Variants in LGMN observed in about 807,000 individuals in gnomAD.
The protein encoded by LGMN is legumain.
LGMN carries 36 observed loss-of-function variants against 56.8 expected under a neutral mutation model. The observed-to-expected ratio is 0.63, with a 90% CI of 0.49 to 0.84. The LOEUF is 0.84. LGMN is among the 40% of genes least tolerant of loss of function. The probability of loss-of-function intolerance (pLI) is 0.00; values close to 1 mark genes in which losing one functional copy is unlikely to be tolerated. For synonymous variants in LGMN, 199 were observed against 210.1 expected, an observed-to-expected ratio of 0.95 and a Z score of 0.46; for missense variants, 446 against 556.1, an observed-to-expected ratio of 0.80 and a Z score of 1.99.
chr14:92,704,748 C>A, intron 12 of LGMN, 41 bp from the exon 13 acceptor site: 2 of 1,507,550 alleles, frequency 1.3e-6, no homozygotes, highest in Non-Finnish European at 1.8e-6. Flanking sequence ...TTCCTCATCT[C>A]ACCACACAAT....
chr14:92,717,686 G>A (rs372004699), intron 3 of LGMN, among the ~76,000 whole-genome samples: 13 of 152,338 alleles, frequency 8.5e-5, no homozygotes, highest in African/African-American at 2.2e-4. Flanking sequence ...AGCTGAGCCC[G>A]AAAAGCCTCG....
chr14:92,744,382 T>C (rs534862565), intron 1 of LGMN, among the ~76,000 whole-genome samples: 80 of 152,270 alleles, frequency 5.3e-4, no homozygotes, highest in African/African-American at 1.9e-3. Flanking sequence ...TGTTACCAAA[T>C]GTAGGTTCAT....
At chr14:92,745,427 T>C (rs1443228787) in intron 1 of LGMN, among the ~76,000 whole-genome samples, 8 of 152,208 alleles carry the variant, frequency 5.3e-5, no homozygotes, top group South Asian at 2.1e-4. Flanking sequence ...ACCACTTACC[T>C]ATCATCCAGA....
intron 5 of LGMN, among the ~76,000 whole-genome samples, chr14:92,715,221 G>A (rs1459221622): frequency 1.3e-5 from 2 of 150,748 alleles, no homozygotes; most frequent in African/African-American, 4.9e-5. Context: ...GTGGGTGTGT[G>A]TGTGTGTGTG....
At chr14:92,719,296 G>GCCA (rs1177774709) in intron 2 of LGMN, among the ~76,000 whole-genome samples, 1 of 25,660 alleles carries the variant, frequency 3.9e-5, no homozygotes, top group African/African-American at 1.3e-4. Context: ...CGCCGCCGCC[G>GCCA]CCGCCACCGC....
chr14:92,715,917 G>T (rs957075094), intron 5 of LGMN: 3 of 356,810 alleles, frequency 8.4e-6, no homozygotes, highest in Non-Finnish European at 1.5e-5. Context: ...ATAATGAGGG[G>T]CCCTGGATCA....
At chr14:92,718,409 A>G (rs188542082) in intron 3 of LGMN, among the ~76,000 whole-genome samples, 33 of 152,180 alleles carry the variant, frequency 2.2e-4, no homozygotes, top group Admixed American at 2.0e-3. Context: ...TCCTGTCTCT[A>G]CTAAAAATAC....
chr14:92,748,118 T>G (rs1405181550), intron 1 of LGMN, among the ~76,000 whole-genome samples: 1 of 152,156 alleles, frequency 6.6e-6, no homozygotes, highest in South Asian at 2.1e-4. Context: ...GAACTGTTCC[T>G]AGGTCGTAAA....
intron 3 of LGMN, among the ~76,000 whole-genome samples, chr14:92,718,477 G>A (rs1890182091): frequency 6.6e-6 from 1 of 152,098 alleles, no homozygotes; most frequent in South Asian, 2.1e-4. Flanking sequence ...GGGAGGCTGA[G>A]GTGGGAGGAT....
intron 2 of LGMN, 164 bp downstream of exon 2, chr14:92,732,485 G>A: frequency 1.4e-6 from 1 of 721,904 alleles, no homozygotes; most frequent in Non-Finnish European, 2.3e-6. Context: ...CAACATATGA[G>A]GGTTCTGATT....
chr14:92,740,682 C>T (rs914525033), intron 1 of LGMN, among the ~76,000 whole-genome samples: 8 of 152,212 alleles, frequency 5.3e-5, no homozygotes, highest in African/African-American at 1.9e-4. Flanking sequence ...TCGTGCCCTA[C>T]TATTTTAAGG....
In LGMN at chr14:92,704,182, C is replaced by G. The variant is rs778332954; in HGVS notation, c.*137G>C. On this transcript the variant is annotated 3_prime_UTR_variant, in exon 14 of 14. Coordinates refer to ENST00000334869, the MANE Select transcript of LGMN (RefSeq NM_005606.7). ...GAGCAAGTCATCTTGTGAAGAAGGT[C>G]CTGGAGCGAGCCCTGGAGCGGGGGC... is the stretch of plus-strand genomic sequence containing the variant. 1 of 1,043,730 alleles carries G rather than the reference C, an allele frequency of 9.6e-7. No homozygotes were observed. The highest frequency in any genetic ancestry group is 1.5e-6 in the Non-Finnish European group (1 of 676,906). The allele number at this position is 1,043,730 out of a possible 1,614,324, so 64.7% of individuals were successfully genotyped here.
intron 1 of LGMN, among the ~76,000 whole-genome samples, chr14:92,739,977 ACGGTG>A (rs1891475449): frequency 6.6e-6 from 1 of 152,142 alleles, no homozygotes; most frequent in Non-Finnish European, 1.5e-5. Flanking sequence ...CCAGCTGGGC[ACGGTG>A]GCTCACGCCT....
Position 92,744,595 on chromosome 14 carries a change from T to G in LGMN, c.-30+3894A>C, listed in dbSNP as rs908948086. Among the ~76,000 whole-genome samples, 8 of 101,572 alleles carry G rather than the reference T, an allele frequency of 7.9e-5. No individual in the cohort carries two copies. In the South Asian group the frequency reaches 8.8e-4, roughly 11 times the overall value. 66.6% of individuals were successfully genotyped at this position (101,572 alleles called of 152,430 possible). A position where few individuals can be genotyped will look rare whatever the true frequency, so the allele number is the denominator to read the frequency against. On this transcript the variant is annotated intron_variant, in intron 1 of 13. Transcript: ENST00000334869. ...TTTTTTTAAGGAAATTATCCTTTAG[T>G]TTTTTTTTTTTTTTTTTGAGACGGA...
intron 5 of LGMN, among the ~76,000 whole-genome samples, chr14:92,715,347 C>T (rs1000325171): frequency 6.6e-6 from 1 of 152,110 alleles, no homozygotes; most frequent in Non-Finnish European, 1.5e-5. Context: ...ACCAGAGTAG[C>T]TGGGATTACA....
rs117770525 is a variant in LGMN at position 92,742,528 on chromosome 14, G to A, written c.-30+5961C>T. ...TCTCGAGTTCCTGGCCTCAAGTGAT[G>A]CACCTGCCTTAGCCTCCCAAAGTGC... On this transcript the variant is annotated intron_variant, in intron 1 of 13. Coordinates refer to ENST00000334869, the MANE Select transcript of LGMN (RefSeq NM_005606.7). 7.6e-3 allele frequency among the ~76,000 whole-genome samples: 1,151 copies of A among 152,074 alleles called. 28 individuals are homozygous for A. The South Asian group carries it at 0.08, about 11-fold the overall frequency.
intron 7 of LGMN, 125 bp from the exon 8 acceptor site, chr14:92,712,996 A>T (rs886892119): frequency 1.3e-6 from 1 of 754,548 alleles, no homozygotes; most frequent in Admixed American, 3.0e-5. Flanking sequence ...TTCTGGAGAC[A>T]TTACTGCTGT....
At chr14:92,707,197 G>A (rs1889478814) in intron 11 of LGMN, among the ~76,000 whole-genome samples, 2 of 151,594 alleles carry the variant, frequency 1.3e-5, no homozygotes, top group Admixed American at 6.6e-5. Context: ...TTCCAGACCG[G>A]CCTGGGCAAC....
At chr14:92,719,207 C>T (rs866905281) in intron 2 of LGMN, among the ~76,000 whole-genome samples, 1 of 137,810 alleles carries the variant, frequency 7.3e-6, no homozygotes, top group African/African-American at 3.0e-5. Context: ...ACCAACACCA[C>T]CACCGCCACC....
Sources: allele counts gnomAD v4.1 joint callset (sites outside exome capture counted in the v4.1 genomes callset), GRCh38; gene constraint gnomAD v4.1.1; transcripts MANE v1.5; gene names NCBI Gene and HGNC (gene_info 2026-07-23, HGNC 2026-07-21).